CNTN5: variants seen among roughly 807,000 people sequenced by gnomAD.
The protein encoded by CNTN5 is contactin-5.
In CNTN5, 77 loss-of-function variants were observed where a neutral mutation model predicts 129.1. The observed-to-expected ratio is 0.60, with a 90% CI of 0.50 to 0.72. The LOEUF (loss-of-function observed/expected upper bound fraction) is 0.72, where lower values mean the gene tolerates loss of function less well. CNTN5 is among the 30% of genes least tolerant of loss of function. The pLI is 0.00. For missense variants in CNTN5, 1,478 were observed against 1,328.8 expected (o/e 1.11, Z -1.75); for synonymous variants, 509 against 465.6 (o/e 1.09, Z -1.20).
At chr11:99,934,539 T>G (rs1427172761) in intron 7 of CNTN5, among the ~76,000 whole-genome samples, 2 of 152,150 alleles carry the variant, frequency 1.3e-5, no homozygotes, top group Non-Finnish European at 2.9e-5. Flanking sequence ...CTCCATTTCT[T>G]TCAAAGAAGT....
intron 2 of CNTN5, among the ~76,000 whole-genome samples, chr11:99,427,312 T>C (rs367782929): frequency 5.1e-4 from 77 of 152,258 alleles, no homozygotes; most frequent in African/African-American, 1.8e-3. Context: ...AAAATATTTT[T>C]AGCATTAGGC....
intron 16 of CNTN5, among the ~76,000 whole-genome samples, chr11:100,254,898 C>T (rs992958246): frequency 3.9e-5 from 6 of 152,166 alleles, no homozygotes; most frequent in African/African-American, 1.4e-4. Context: ...ACTGGCATTG[C>T]TTTGTAGCCA....
intron 3 of CNTN5, among the ~76,000 whole-genome samples, chr11:99,789,515 C>T (rs1421140482): frequency 6.6e-6 from 1 of 151,902 alleles, no homozygotes; most frequent in East Asian, 1.9e-4. Flanking sequence ...ATATTGCATA[C>T]CTTACTGTAG....
chr11:99,769,141 T>C lies in CNTN5; in HGVS notation c.56-50403T>C, dbSNP rs371869049. The stretch of plus-strand genomic sequence containing the variant: ...GCAATATTCTTTTTGATACTTAAAT[T>C]ATATAAACTGGCTGTTGAAAACCAC... On this transcript the variant is annotated intron_variant, in intron 3 of 24. Transcript: ENST00000524871. Among the ~76,000 whole-genome samples the C allele has an allele frequency of 7.9e-5, 12 of 152,172 alleles. No individual in the cohort carries two copies. In the East Asian group the frequency reaches 1.9e-3, roughly 24 times the overall value.
At chr11:99,029,065 A>G (rs928138281) in intron 1 of CNTN5, among the ~76,000 whole-genome samples, 1 of 151,890 alleles carries the variant, frequency 6.6e-6, no homozygotes, top group Admixed American at 6.6e-5. Context: ...TTCTTTACGT[A>G]CAAAATACCT....
chr11:99,983,656 G>A (rs901370639), intron 8 of CNTN5, among the ~76,000 whole-genome samples: 1 of 152,226 alleles, frequency 6.6e-6, no homozygotes, highest in African/African-American at 2.4e-5. Context: ...GAAAGACATT[G>A]ATTGACAATA....
At chr11:99,983,038 C>T (rs1938450806) in intron 8 of CNTN5, among the ~76,000 whole-genome samples, 1 of 152,156 alleles carries the variant, frequency 6.6e-6, no homozygotes, top group Non-Finnish European at 1.5e-5. Flanking sequence ...TGATCAGTCA[C>T]ATCAGGTGCA....
At chr11:100,334,889 T>G (rs1951998083) in intron 21 of CNTN5, among the ~76,000 whole-genome samples, 1 of 150,576 alleles carries the variant, frequency 6.6e-6, no homozygotes, top group African/African-American at 2.5e-5. Flanking sequence ...AACCTATCTA[T>G]ATAATCAAAC....
At chr11:99,553,965 TACACACACAC>T (rs34430127) in intron 2 of CNTN5, among the ~76,000 whole-genome samples, 1 of 146,016 alleles carries the variant, frequency 6.8e-6, no homozygotes, top group Non-Finnish European at 1.5e-5. Flanking sequence ...TGAAAATGAA[TACACACACAC>T]ACACACACAC....
At chr11:99,299,267 A>T (rs946907985) in intron 1 of CNTN5, among the ~76,000 whole-genome samples, 18 of 152,348 alleles carry the variant, frequency 1.2e-4, no homozygotes, top group African/African-American at 4.3e-4. Context: ...TGTTCAAAGA[A>T]CTAAAAGAAA....
At chr11:100,293,025 A>C (rs954566261) in intron 18 of CNTN5, among the ~76,000 whole-genome samples, 12 of 152,080 alleles carry the variant, frequency 7.9e-5, no homozygotes, top group African/African-American at 2.9e-4. Flanking sequence ...TGGAAGAGAC[A>C]CAATGGAATA....
intron 3 of CNTN5, among the ~76,000 whole-genome samples, chr11:99,593,888 A>C (rs1459542134): frequency 6.6e-6 from 1 of 152,206 alleles, no homozygotes; most frequent in Non-Finnish European, 1.5e-5. Context: ...CCAAGATGAG[A>C]TCAATCACTG....
chr11:99,959,610 A>G (rs1285305677), intron 8 of CNTN5, among the ~76,000 whole-genome samples: 1 of 152,172 alleles, frequency 6.6e-6, no homozygotes, highest in Non-Finnish European at 1.5e-5. Flanking sequence ...TTTGGTCATT[A>G]TGTTAATTGA....
At chr11:100,255,246 T>C (rs1413110806) in intron 16 of CNTN5, among the ~76,000 whole-genome samples, 1 of 152,182 alleles carries the variant, frequency 6.6e-6, no homozygotes, top group African/African-American at 2.4e-5. Flanking sequence ...CAGAACCTTT[T>C]GCACCTCCCC....
intron 13 of CNTN5, among the ~76,000 whole-genome samples, chr11:100,113,407 G>A (rs1945718392): frequency 1.9e-5 from 1 of 53,492 alleles, no homozygotes; most frequent in Non-Finnish European, 3.3e-5. Context: ...CCCAACCAGG[G>A]ATGCCATGCC....
rs370458646 is a variant in CNTN5, at chr11:99,395,166, T to C, written c.-71+69682T>C. 7.2e-5 allele frequency among the ~76,000 whole-genome samples: 11 copies of C among 151,848 alleles called. No individual in the cohort carries two copies. In the South Asian group the frequency reaches 1.0e-3, roughly 14 times the overall value. ...AATTTATACTCCCACTAACAGTGTA[T>C]AAGCATTCCTTTTTCTCCCCAACCT... On this transcript the variant is annotated intron_variant, in intron 2 of 24. Transcript: ENST00000524871.
chr11:99,132,663 A>G (rs188204461), intron 1 of CNTN5, among the ~76,000 whole-genome samples: 20 of 152,272 alleles, frequency 1.3e-4, no homozygotes, highest in African/African-American at 4.1e-4. Flanking sequence ...AATTGCCACA[A>G]AAAGAATAAA....
At chr11:99,712,804 T>C (rs1207277984) in intron 3 of CNTN5, among the ~76,000 whole-genome samples, 1 of 152,092 alleles carries the variant, frequency 6.6e-6, no homozygotes, top group East Asian at 1.9e-4. Flanking sequence ...TGTGGTATTA[T>C]TTCTGAGGTC....
chr11:99,840,853 A>T (rs1348119011), intron 4 of CNTN5, among the ~76,000 whole-genome samples: 1 of 152,150 alleles, frequency 6.6e-6, no homozygotes, highest in Non-Finnish European at 1.5e-5. Flanking sequence ...GAATGTAAGT[A>T]TATGGATTTA....
Sources: gnomAD v4.1 joint callset for allele counts (sites outside exome capture counted in the v4.1 genomes callset) on GRCh38, gnomAD v4.1.1 for gene constraint, MANE v1.5 for transcripts, NCBI Gene and HGNC (gene_info 2026-07-23, HGNC 2026-07-21) for gene names.